PACS1: variants seen among roughly 807,000 people sequenced by gnomAD.
PACS1 encodes the protein phosphofurin acidic cluster sorting protein 1, also known as PACS-1.
PACS1 carries 24 observed loss-of-function variants against 115.0 expected under a neutral mutation model. That is an observed-to-expected ratio of 0.21 (90% CI 0.15 to 0.29). PACS1 has a LOEUF of 0.29. Ranked by LOEUF, PACS1 falls within the 10% of genes least tolerant of loss-of-function variation. The pLI, the probability that PACS1 is intolerant of heterozygous loss-of-function variation, is 1.00. For missense variants in PACS1, 838 were observed against 1,251.2 expected (o/e 0.67, Z 4.98); for synonymous variants, 453 against 504.5 (o/e 0.90, Z 1.37).
At chr11:66,082,283 G>C (rs1857494134) in intron 1 of PACS1, among the ~76,000 whole-genome samples, 1 of 152,054 alleles carries the variant, frequency 6.6e-6, no homozygotes, top group African/African-American at 2.4e-5. Flanking sequence ...GGAGTGCAGT[G>C]GTACAATCAT....
intron 1 of PACS1, among the ~76,000 whole-genome samples, chr11:66,080,398 A>G (rs1857460659): frequency 6.6e-6 from 1 of 152,108 alleles, no homozygotes; most frequent in Non-Finnish European, 1.5e-5. Context: ...GTCACAAAGA[A>G]TAGTGTGGTG....
intron 1 of PACS1, among the ~76,000 whole-genome samples, chr11:66,153,941 G>A (rs1207045620): frequency 6.6e-6 from 1 of 152,060 alleles, no homozygotes; most frequent in Non-Finnish European, 1.5e-5. Flanking sequence ...AGAGACACAG[G>A]TTAAAAGTGA....
intron 19 of PACS1, 192 bp from the exon 20 acceptor site, chr11:66,238,612 T>C (rs1465378320): frequency 6.9e-6 from 4 of 583,734 alleles, no homozygotes; most frequent in African/African-American, 5.6e-5. Flanking sequence ...GCGATTCTCC[T>C]ATCTCAGCCT....
intron 1 of PACS1, among the ~76,000 whole-genome samples, chr11:66,133,679 T>C (rs1348411322): frequency 6.6e-6 from 1 of 152,136 alleles, no homozygotes; most frequent in African/African-American, 2.4e-5. Context: ...ACTTTTCAAT[T>C]TTTTTGTAGA....
At chr11:66,240,444 T>G (rs1392620363) in intron 21 of PACS1, among the ~76,000 whole-genome samples, 1 of 152,172 alleles carries the variant, frequency 6.6e-6, no homozygotes, top group Non-Finnish European at 1.5e-5. Context: ...CCTTTCCTTG[T>G]AGCAACAGCG....
At chr11:66,196,591 G>T (rs1854655725) in intron 2 of PACS1, among the ~76,000 whole-genome samples, 1 of 152,158 alleles carries the variant, frequency 6.6e-6, no homozygotes, top group Non-Finnish European at 1.5e-5. Context: ...AATATTGGTT[G>T]CCAATGATAA....
At chr11:66,110,030 C>T (rs1230632619) in intron 1 of PACS1, among the ~76,000 whole-genome samples, 1 of 152,196 alleles carries the variant, frequency 6.6e-6, no homozygotes, top group Non-Finnish European at 1.5e-5. Flanking sequence ...TTTCCCCTCT[C>T]AACGGGACAC....
At position 66,230,830 on chromosome 11, in the gene PACS1, C is replaced by T. The variant is rs373127343; in HGVS notation, c.1516C>T (p.Arg506Trp). 2.5e-5 allele frequency: 40 copies of T among 1,614,030 alleles called. No homozygotes were observed. The highest frequency in any genetic ancestry group is 3.3e-5 in the Admixed American group (2 of 60,010). The change falls in exon 13 of 24, where the codon CGG becomes TGG. Residue 506 changes from arginine to tryptophan, a missense_variant. By Grantham distance (101) the Arg-to-Trp change is moderately radical. Coordinates refer to ENST00000320580, the MANE Select transcript of PACS1 (RefSeq NM_018026.4). Reference sequence around the variant, plus strand: ...CAAAGTGGAGGGGGTGCACACACCCCGGCAGAAGAGGAGCACGCCCCTGAA... The same window carrying T: ...CAAAGTGGAGGGGGTGCACACACCCTGGCAGAAGAGGAGCACGCCCCTGAA... ...PSKVEGVHTP[R>W]QKRSTPLKER...
At chr11:66,199,911 C>T (rs892562894) in intron 2 of PACS1, among the ~76,000 whole-genome samples, 10 of 151,918 alleles carry the variant, frequency 6.6e-5, no homozygotes, top group African/African-American at 2.4e-4. Context: ...CCCAGCTACT[C>T]GGGAGGCTGA....
intron 1 of PACS1, among the ~76,000 whole-genome samples, chr11:66,184,892 A>C (rs754858408): frequency 2.0e-5 from 3 of 152,182 alleles, no homozygotes; most frequent in African/African-American, 7.2e-5. Flanking sequence ...GGAACACTCT[A>C]TCAGCGGTAC....
At chr11:66,182,121 T>C (rs1163918939) in intron 1 of PACS1, among the ~76,000 whole-genome samples, 1 of 152,238 alleles carries the variant, frequency 6.6e-6, no homozygotes, top group Non-Finnish European at 1.5e-5. Context: ...GTCCACACCC[T>C]ACCTCTGAGG....
intron 1 of PACS1, among the ~76,000 whole-genome samples, chr11:66,179,977 G>C (rs1377106326): frequency 5.3e-5 from 8 of 151,956 alleles, no homozygotes; most frequent in Admixed American, 2.0e-4. Context: ...TTAGCCTCCT[G>C]AACAGCTAGG....
intron 1 of PACS1, among the ~76,000 whole-genome samples, chr11:66,159,778 T>C (rs931047986): frequency 6.6e-6 from 1 of 152,188 alleles, no homozygotes; most frequent in Non-Finnish European, 1.5e-5. Flanking sequence ...GAAATGCTAA[T>C]GGATTAAGAA....
chr11:66,193,432 CT>C (rs1854574700), intron 1 of PACS1, 53 bp from the exon 2 acceptor site: 1 of 1,279,196 alleles, frequency 7.8e-7, no homozygotes, highest in Non-Finnish European at 1.1e-6. Context: ...TTGTTCATCA[CT>C]TTTCTCGCAA....
intron 8 of PACS1, 123 bp downstream of exon 8, chr11:66,219,928 C>T (rs1855302418): frequency 1.3e-6 from 1 of 784,406 alleles, no homozygotes; most frequent in Non-Finnish European, 2.2e-6. Flanking sequence ...TTCCTGCTCC[C>T]CGTGGCATAC....
chr11:66,229,496 G>A (rs918462334), intron 11 of PACS1, among the ~76,000 whole-genome samples: 2 of 151,860 alleles, frequency 1.3e-5, no homozygotes, highest in Admixed American at 6.6e-5. Flanking sequence ...TCAGGAGATC[G>A]AGACCATCCT....
chr11:66,216,283 T>C lies in PACS1; in HGVS notation c.805+20T>C, dbSNP rs778115552. 2 of 1,613,520 alleles carry C rather than the reference T, an allele frequency of 1.2e-6. No individual in the cohort carries two copies. Among genetic ancestry groups the C allele is most frequent in the Non-Finnish European group, 1.7e-6 (2 of 1,179,690 alleles). On this transcript the variant is annotated intron_variant, in intron 5 of 23. Coordinates refer to ENST00000320580, the MANE Select transcript of PACS1 (RefSeq NM_018026.4). ...TTTCTGGTAAGAAGCATGCAGCATC[T>C]GGAGACCCTACGAAGAGGGAGCCCA... is the stretch of plus-strand genomic sequence containing the variant.
At chr11:66,213,171 A>C (rs1393445256) in intron 4 of PACS1, among the ~76,000 whole-genome samples, 1 of 152,182 alleles carries the variant, frequency 6.6e-6, no homozygotes, top group African/African-American at 2.4e-5. Flanking sequence ...GGCTTTCTGT[A>C]GTAAGATAGT....
At chr11:66,077,778 C>T (rs1466340681) in intron 1 of PACS1, among the ~76,000 whole-genome samples, 12 of 148,250 alleles carry the variant, frequency 8.1e-5, no homozygotes, top group Non-Finnish European at 1.3e-4. Flanking sequence ...TCTCGGCTCA[C>T]GGAAACCTCC....
Sources: allele counts gnomAD v4.1 joint callset (sites outside exome capture counted in the v4.1 genomes callset), GRCh38; gene constraint gnomAD v4.1.1; transcripts MANE v1.5; gene names NCBI Gene and HGNC (gene_info 2026-07-23, HGNC 2026-07-21).